The following SBF2 variants were observed in gnomAD, a reference collection of about 807,000 sequenced individuals.
SBF2 encodes the protein SET binding factor 2, also known as myotubularin-related protein 13.
In SBF2, 112 loss-of-function variants were observed where a neutral mutation model predicts 225.2. The observed-to-expected ratio is 0.50, with a 90% CI of 0.43 to 0.58. The LOEUF is 0.58. SBF2 is among the 20% of genes least tolerant of loss of function. SBF2 has a pLI of 0.00. For missense variants in SBF2, 1,996 were observed against 2,206.2 expected, an observed-to-expected ratio of 0.90 and a Z score of 1.91; for synonymous variants, 763 against 773.3, an observed-to-expected ratio of 0.99 and a Z score of 0.22.
At chr11:9,946,804 G>T (rs760981172) in intron 16 of SBF2, among the ~76,000 whole-genome samples, 2 of 152,112 alleles carry the variant, frequency 1.3e-5, no homozygotes, top group Non-Finnish European at 1.5e-5. Context: ...AATACAATTT[G>T]ATATAACTAG....
chr11:10,249,349 T>C (rs1960118050), intron 1 of SBF2, among the ~76,000 whole-genome samples: 1 of 152,164 alleles, frequency 6.6e-6, no homozygotes, highest in African/African-American at 2.4e-5. Flanking sequence ...GGGGTTGACA[T>C]TAATAATCTA....
At chr11:10,013,251 A>G (rs1448527478) in intron 6 of SBF2, among the ~76,000 whole-genome samples, 2 of 152,192 alleles carry the variant, frequency 1.3e-5, no homozygotes, top group Admixed American at 6.5e-5. Flanking sequence ...ACTGGTTTCA[A>G]TACTTTTACC....
chr11:10,273,626 T>C, intron 1 of SBF2, among the ~76,000 whole-genome samples: 1 of 152,218 alleles, frequency 6.6e-6, no homozygotes, highest in East Asian at 1.9e-4. Context: ...AAAACAAAGA[T>C]GTCCCTTCCC....
intron 2 of SBF2, among the ~76,000 whole-genome samples, chr11:10,105,709 C>A (rs1283611067): frequency 2.0e-5 from 3 of 152,232 alleles, no homozygotes; most frequent in Non-Finnish European, 4.4e-5. Context: ...CAGGGAAAGG[C>A]ACATGACCTA....
chr11:9,852,870 G>C, intron 20 of SBF2, 121 bp from the exon 21 acceptor site: 2 of 790,138 alleles, frequency 2.5e-6, no homozygotes, highest in South Asian at 1.4e-5. Context: ...AAGTTAAAGA[G>C]AATTACCATT....
At position 10,012,435 on chromosome 11, in the gene SBF2, C is replaced by T. The variant is rs140050303; in HGVS notation, c.620-9746G>A. The stretch of plus-strand genomic sequence containing the variant: ...GGGATTACAGGTATGAGCCACGATG[C>T]CTGGCCTGTTTCAGTTATCATACTG... On this transcript the variant is annotated intron_variant, in intron 6 of 39. Coordinates refer to ENST00000256190, the MANE Select transcript of SBF2 (RefSeq NM_030962.4). Among the ~76,000 whole-genome samples, 19 of 152,320 alleles carry T rather than the reference C, an allele frequency of 1.2e-4. No individual in the cohort carries two copies. In the East Asian group the frequency reaches 3.7e-3, roughly 29 times the overall value.
Position 9,850,528 on chromosome 11 carries a change from G to A in SBF2, c.2611-310C>T, listed in dbSNP as rs191699993. Reference sequence around the variant, plus strand: ...CTGCCCCAGCCTCCCAAAGTGCTAGGATTACAGGCATGAGCCACCATAGAA... The same window carrying A: ...CTGCCCCAGCCTCCCAAAGTGCTAGAATTACAGGCATGAGCCACCATAGAA... On this transcript the variant is annotated intron_variant, in intron 21 of 39. Transcript: ENST00000256190. 1.2e-3 allele frequency among the ~76,000 whole-genome samples: 186 copies of A among 152,218 alleles called. 1 individual carries two copies. The highest frequency in any genetic ancestry group is 4.2e-3 in the African/African-American group (174 of 41,538).
intron 13 of SBF2, among the ~76,000 whole-genome samples, chr11:9,969,755 C>G (rs1051074020): frequency 2.6e-5 from 4 of 152,192 alleles, no homozygotes; most frequent in Admixed American, 2.6e-4. Flanking sequence ...TTATCACTCT[C>G]TCACATACTT....
chr11:10,126,189 C>A (rs929925177), intron 2 of SBF2, among the ~76,000 whole-genome samples: 7 of 152,100 alleles, frequency 4.6e-5, no homozygotes, highest in African/African-American at 1.2e-4. Flanking sequence ...TTTAAAACTG[C>A]ACAAAATGTT....
chr11:10,072,719 ATCTTTTTTTTTTT>A (rs1453164620), intron 2 of SBF2, among the ~76,000 whole-genome samples: 15 of 145,580 alleles, frequency 1.0e-4, no homozygotes, highest in Non-Finnish European at 2.0e-4. Context: ...ATCCAGTGGA[ATCTTTTTTTTTTT>A]TCTTTTTTTT....
At chr11:10,228,444 T>C (rs2135426107) in intron 1 of SBF2, among the ~76,000 whole-genome samples, 1 of 152,336 alleles carries the variant, frequency 6.6e-6, no homozygotes, top group East Asian at 1.9e-4. Context: ...TTCAGTATGA[T>C]ATTGGCTGTA....
intron 33 of SBF2, among the ~76,000 whole-genome samples, chr11:9,795,221 G>A (rs756367688): frequency 3.3e-5 from 5 of 152,158 alleles, no homozygotes; most frequent in Non-Finnish European, 7.3e-5. Context: ...CATTACTAAT[G>A]CGAGTGATGT....
rs186480384 is a variant in SBF2, at chr11:10,079,296, T to C, written c.142-36315A>G. Reference sequence around the variant, plus strand: ...ATTAGAAAATAAATTCAGGATATAATTGAGAAATCTGCAAAGATACATACA... The same window carrying C: ...ATTAGAAAATAAATTCAGGATATAACTGAGAAATCTGCAAAGATACATACA... On this transcript the variant is annotated intron_variant, in intron 2 of 39. Coordinates refer to ENST00000256190, the MANE Select transcript of SBF2 (RefSeq NM_030962.4). Among the ~76,000 whole-genome samples the C allele has an allele frequency of 5.3e-5, 8 of 152,252 alleles. No individual in the cohort carries two copies. The East Asian group carries it at 5.8e-4, about 11-fold the overall frequency.
intron 13 of SBF2, among the ~76,000 whole-genome samples, chr11:9,980,394 C>G (rs1408468831): frequency 3.3e-5 from 5 of 152,082 alleles, no homozygotes; most frequent in Admixed American, 2.6e-4. Context: ...CCTCGGCCTC[C>G]CAAAGTGCTG....
rs368839717 is a variant in SBF2, at chr11:9,812,611, G to A, written c.4076C>T (p.Ala1359Val). The change falls in exon 30 of 40, where the codon GCT becomes GTT. Residue 1359 changes from alanine (A) to valine (V), a missense_variant. Transcript: ENST00000256190. ...AGTAGGGATGGTGCTTGGGATACAA[G>A]CCCTCATCAGCTTCTTAAAACTGGC... ...VKASFKKLMR[A>V]CIPSTIPTDS... 9.9e-6 allele frequency: 16 copies of A among 1,614,058 alleles called. No homozygotes were observed. In the African/African-American group the frequency reaches 2.0e-4, roughly 20 times the overall value.
chr11:10,031,140 C>T lies in SBF2; in HGVS notation c.310G>A (p.Ala104Thr). ...GTKKEEIEGE[A>T]KVSGLIQPAE... ...GGCTGAATTAAACCAGACACTTTTG[C>T]TTCACCTTCAATCTCTTCCTTCTTT... The change falls in exon 4 of 40, where the codon GCA (alanine) becomes ACA (threonine). Residue 104 changes from alanine to threonine, a missense_variant. Ala to Thr is a moderately conservative substitution (Grantham distance 58). Coordinates refer to ENST00000256190, the MANE Select transcript of SBF2 (RefSeq NM_030962.4). The T allele has an allele frequency of 1.2e-6, 2 of 1,613,560 alleles. No homozygotes were observed. Among genetic ancestry groups the T allele is most frequent in the Non-Finnish European group, 8.5e-7 (1 of 1,179,680 alleles).
chr11:10,171,787 G>C (rs1591124411), intron 2 of SBF2, among the ~76,000 whole-genome samples: 1 of 152,280 alleles, frequency 6.6e-6, no homozygotes, highest in East Asian at 1.9e-4. Flanking sequence ...GCTTTCTTTT[G>C]CTGGGAGACT....
intron 2 of SBF2, among the ~76,000 whole-genome samples, chr11:10,067,057 T>A (rs1162254192): frequency 6.6e-6 from 1 of 152,120 alleles, no homozygotes; most frequent in East Asian, 1.9e-4. Context: ...ATGGGAAGAC[T>A]GCTTGAGGCC....
rs369285215 is a variant in SBF2, at chr11:9,814,580, T to A, written c.3979-1872A>T. ...TTTATATACAGAAGATAAAGAAACCTAAACATCCAACAACATGGGATGAAT... is the reference window on the plus strand; with the variant it reads ...TTTATATACAGAAGATAAAGAAACCAAAACATCCAACAACATGGGATGAAT... On this transcript the variant is annotated intron_variant, in intron 29 of 39. Transcript: ENST00000256190. Among the ~76,000 whole-genome samples, 4 of 152,320 alleles carry A rather than the reference T, an allele frequency of 2.6e-5. No individual in the cohort carries two copies. The East Asian group carries it at 5.8e-4, about 22-fold the overall frequency.
Sources: allele counts gnomAD v4.1 joint callset (sites outside exome capture counted in the v4.1 genomes callset), GRCh38; gene constraint gnomAD v4.1.1; transcripts MANE v1.5; gene names NCBI Gene and HGNC (gene_info 2026-07-23, HGNC 2026-07-21).